Variants in LRRCC1 observed in about 807,000 individuals in gnomAD.
The protein encoded by LRRCC1 is leucine-rich repeat and coiled-coil domain-containing protein 1.
Under a neutral mutation model 126.0 loss-of-function variants are expected in LRRCC1, and 115 were observed. That is an observed-to-expected ratio of 0.91 (90% CI 0.78 to 1.07). The LOEUF is 1.07. Among genes scored for constraint, LRRCC1 ranks in the 50% least tolerant of loss-of-function variants. LRRCC1 has a pLI of 0.00. For synonymous variants in LRRCC1, 400 were observed against 393.4 expected, an observed-to-expected ratio of 1.02 and a Z score of -0.20; for missense variants, 1,172 against 1,175.7, an observed-to-expected ratio of 1.00 and a Z score of 0.05.
intron 6 of LRRCC1, among the ~76,000 whole-genome samples, chr8:85,118,425 T>C (rs954637043): frequency 2.0e-5 from 3 of 152,064 alleles, no homozygotes; most frequent in Non-Finnish European, 4.4e-5. Flanking sequence ...ATAGGGTAGA[T>C]GTATGTTGAG....
intron 11 of LRRCC1, 111 bp from the exon 12 acceptor site, chr8:85,131,649 T>C (rs1354538624): frequency 1.3e-6 from 1 of 775,026 alleles, no homozygotes; most frequent in Admixed American, 3.1e-5. Flanking sequence ...GAGAGGCTGA[T>C]ACTGAATTAA....
chr8:85,141,307 GAAGA>G (rs1811232955), intron 17 of LRRCC1, 71 bp from the exon 18 acceptor site: 1 of 1,251,148 alleles, frequency 8.0e-7, no homozygotes, highest in South Asian at 1.5e-5. Context: ...AGCCACCCGA[GAAGA>G]AATAACATCC....
In LRRCC1 at chr8:85,110,100, A is replaced by C. The variant is rs1056408363; in HGVS notation, c.311-15A>C. ...TTTTATAAAGGCTTTATTTTATTTTACTTTTTTTTTTTAGGACTTGAAGAA... is the reference window on the plus strand; with the variant it reads ...TTTTATAAAGGCTTTATTTTATTTTCCTTTTTTTTTTTAGGACTTGAAGAA... On this transcript the variant is annotated splice_polypyrimidine_tract_variant and intron_variant, in intron 2 of 18. Transcript: ENST00000360375. 9.8e-7 allele frequency: 1 copy of C among 1,022,468 alleles called. No homozygotes were observed. The highest frequency in any genetic ancestry group is 1.4e-6 in the Non-Finnish European group (1 of 691,472). 63.3% of individuals were successfully genotyped at this position (1,022,468 alleles called of 1,614,324 possible). A position where few individuals can be genotyped will look rare whatever the true frequency, so the allele number is the denominator to read the frequency against.
chr8:85,141,480 A>C lies in LRRCC1; in HGVS notation c.2939A>C (p.Asn980Thr). The part of the protein sequence containing the change: ...AHQAEIAQLA[N>T]EKQKCIDSAN... The stretch of plus-strand genomic sequence containing the variant: ...CAAGCTGAAATAGCACAGCTGGCCA[A>C]TGAAAAGCAGAAGTGTATTGATTCT... The change falls in exon 18 of 19, where the codon AAT becomes ACT. Residue 980 changes from asparagine (N) to threonine (T), a missense_variant. Asn to Thr is a moderately conservative substitution (Grantham distance 65). Transcript: ENST00000360375. The C allele has an allele frequency of 6.2e-7, 1 of 1,613,014 alleles. No homozygotes were observed. The highest frequency in any genetic ancestry group is 1.3e-5 in the African/African-American group (1 of 75,034).
chr8:85,126,746 G>A lies in LRRCC1; in HGVS notation c.1330G>A (p.Glu444Lys), dbSNP rs201242609. The A allele has an allele frequency of 5.4e-4, 875 of 1,612,854 alleles. 1 individual carries two copies. The African/African-American group carries it at 1.0e-2, about 18-fold the overall frequency. ...GAAGAGATGGAGAGCTGAGCAAGCC[G>A]AAAATAAACTCATGGATTATATTGA... The part of the protein sequence containing the change: ...REKRWRAEQA[E>K]NKLMDYIDEL... Residue 444 changes from glutamate to lysine, a missense_variant, in exon 9 of 19, where the codon GAA becomes AAA. Transcript: ENST00000360375.
At chr8:85,128,427 AC>A (rs1356483958) in intron 9 of LRRCC1, among the ~76,000 whole-genome samples, 5 of 27,576 alleles carry the variant, frequency 1.8e-4, no homozygotes, top group South Asian at 1.6e-3. Flanking sequence ...CCACCCCCCC[AC>A]CCCCCCCACC....
rs1186884870 is a variant in LRRCC1 at position 85,135,774 on chromosome 8, T to G, written c.2155-15T>G. The G allele has an allele frequency of 7.3e-7, 1 of 1,366,654 alleles. No individual in the cohort carries two copies. Among genetic ancestry groups the G allele is most frequent in the Admixed American group, 2.7e-5 (1 of 36,484 alleles). The allele number at this position is 1,366,654 out of a possible 1,614,324, so 84.7% of individuals were successfully genotyped here. A position where few individuals can be genotyped will look rare whatever the true frequency, so the allele number is the denominator to read the frequency against. On this transcript the variant is annotated splice_polypyrimidine_tract_variant and intron_variant, in intron 13 of 18. Coordinates refer to ENST00000360375, the MANE Select transcript of LRRCC1 (RefSeq NM_033402.5). The stretch of plus-strand genomic sequence containing the variant: ...TAATATAATAATTCTTATTTTTTTT[T>G]TTGGGAATATACAGAATCAAATCAA...
Position 85,129,353 on chromosome 8 carries a change from C to CA in LRRCC1, c.1606dup (p.Arg536LysfsTer23). The CA allele has an allele frequency of 6.2e-7, 1 of 1,610,600 alleles. No individual in the cohort carries two copies. Among genetic ancestry groups the CA allele is most frequent in the Non-Finnish European group, 8.5e-7 (1 of 1,179,160 alleles). ...AAAAACATTAGAAAAAATGGAGAGA[C>CA]AAAAAAGGCAGCAGCAGGCAGCACA... On this transcript the variant is annotated frameshift_variant, in exon 10 of 19. Coordinates refer to ENST00000360375, the MANE Select transcript of LRRCC1 (RefSeq NM_033402.5). LOFTEE classifies it high-confidence loss of function.
intron 6 of LRRCC1, among the ~76,000 whole-genome samples, chr8:85,116,721 G>C (rs952330011): frequency 3.9e-5 from 6 of 152,114 alleles, no homozygotes; most frequent in Non-Finnish European, 7.4e-5. Context: ...AATTAGGAAG[G>C]GGGAAGGAGT....
intron 9 of LRRCC1, among the ~76,000 whole-genome samples, chr8:85,127,213 T>C (rs1014064974): frequency 6.6e-6 from 1 of 152,204 alleles, no homozygotes; most frequent in African/African-American, 2.4e-5. Flanking sequence ...TCTTCTGCAA[T>C]GGGCTTTTGT....
Position 85,123,519 on chromosome 8 carries a change from A to C in LRRCC1, c.1037A>C (p.Lys346Thr). 1 of 1,611,340 alleles carries C rather than the reference A, an allele frequency of 6.2e-7. No individual in the cohort carries two copies. Among genetic ancestry groups the C allele is most frequent in the Non-Finnish European group, 8.5e-7 (1 of 1,179,122 alleles). The change falls in exon 7 of 19, where the codon AAA becomes ACA. Residue 346 changes from lysine to threonine, a missense_variant. Coordinates refer to ENST00000360375, the MANE Select transcript of LRRCC1 (RefSeq NM_033402.5). ...DYGNRKECNR[K>T]VPRRSKIPYD... The stretch of plus-strand genomic sequence containing the variant: ...GGAAACAGAAAAGAATGCAATAGAA[A>C]AGTTCCTCGAAGATCAAAAATCCCT...
At chr8:85,124,112 A>C (rs1189721402) in intron 7 of LRRCC1, among the ~76,000 whole-genome samples, 1 of 152,196 alleles carries the variant, frequency 6.6e-6, no homozygotes, top group Non-Finnish European at 1.5e-5. Context: ...GATTGTGTTT[A>C]ATGCCATAAG....
In LRRCC1 at chr8:85,138,465, G is replaced by T; in HGVS notation, c.2830G>T (p.Glu944Ter). 1 of 1,609,474 alleles carries T rather than the reference G, an allele frequency of 6.2e-7. No individual in the cohort carries two copies. Among genetic ancestry groups the T allele is most frequent in the South Asian group, 1.1e-5 (1 of 89,910 alleles). The change falls in exon 17 of 19, where the codon GAA becomes TAA. Residue 944 changes from glutamate (E) to a stop codon, truncating the protein, a stop_gained. Coordinates refer to ENST00000360375, the MANE Select transcript of LRRCC1 (RefSeq NM_033402.5). LOFTEE classifies it high-confidence loss of function. ...TAAAGCGGAAAGAGACAAAAGTATT[G>T]AACTACAAAAGTAAGCATTAGGTTC... ...KLKAERDKSI[E>*]LQKNAMEKLH...
Position 85,107,435 on chromosome 8 carries a change from A to T in LRRCC1, c.104+36A>T, listed in dbSNP as rs759998882. 1.0e-5 allele frequency: 16 copies of T among 1,564,364 alleles called. No homozygotes were observed. In the South Asian group the frequency reaches 1.8e-4, roughly 18 times the overall value. On this transcript the variant is annotated intron_variant, in intron 1 of 18. Transcript: ENST00000360375. ...CTCCGCAGCCAGGAGCGACCCGCGC[A>T]CTCCCCAGAGCCGGGGCCACGAGTG...
At chr8:85,115,754 T>G (rs1809070231) in intron 6 of LRRCC1, among the ~76,000 whole-genome samples, 170 bp downstream of exon 6, 1 of 152,188 alleles carries the variant, frequency 6.6e-6, no homozygotes, top group Non-Finnish European at 1.5e-5. Flanking sequence ...ATAATGGTAG[T>G]AAAAGGTAAC....
Position 85,129,209 on chromosome 8 carries a change from A to G in LRRCC1, c.1456A>G (p.Lys486Glu). Reference sequence around the variant, plus strand: ...AATTATTTTTAGAGAGAGAAATTCCAAAGGACAACTCGAAGTTATGGTTCA... The same window carrying G: ...AATTATTTTTAGAGAGAGAAATTCCGAAGGACAACTCGAAGTTATGGTTCA... ...KEIIFRERNS[K>E]GQLEVMVHKL... Residue 486 changes from lysine to glutamate, a missense_variant, in exon 10 of 19, where the codon AAA becomes GAA. Physicochemically the swap from Lys to Glu is moderately conservative, Grantham distance 56 (BLOSUM62 1). Coordinates refer to ENST00000360375, the MANE Select transcript of LRRCC1 (RefSeq NM_033402.5). 6.2e-7 allele frequency: 1 copy of G among 1,612,238 alleles called. No homozygotes were observed. The highest frequency in any genetic ancestry group is 1.1e-5 in the South Asian group (1 of 90,572).
At chr8:85,118,446 A>T (rs983468738) in intron 6 of LRRCC1, among the ~76,000 whole-genome samples, 2 of 152,024 alleles carry the variant, frequency 1.3e-5, no homozygotes, top group Non-Finnish European at 2.9e-5. Context: ...TTTTATAAGA[A>T]ATTGATACCT....
intron 11 of LRRCC1, among the ~76,000 whole-genome samples, chr8:85,131,319 G>A (rs75843031): frequency 0.011 from 1,599 of 152,284 alleles, 22 homozygotes; most frequent in East Asian, 0.062. Context: ...GTGGAGAACC[G>A]TAAAGAATGA....
At position 85,141,471 on chromosome 8, in the gene LRRCC1, A is replaced by C. The variant is rs1333333294; in HGVS notation, c.2930A>C (p.Gln977Pro). The C allele has an allele frequency of 6.2e-7, 1 of 1,613,402 alleles. No individual in the cohort carries two copies. Among genetic ancestry groups the C allele is most frequent in the Admixed American group, 1.7e-5 (1 of 59,968 alleles). ...IVEAHQAEIA[Q>P]LANEKQKCID... ...GAAGCTCATCAAGCTGAAATAGCAC[A>C]GCTGGCCAATGAAAAGCAGAAGTGT... Residue 977 changes from glutamine to proline, a missense_variant, in exon 18 of 19, where the codon CAG (glutamine) becomes CCG (proline). By Grantham distance (76) the Gln-to-Pro change is moderately conservative. Coordinates refer to ENST00000360375, the MANE Select transcript of LRRCC1 (RefSeq NM_033402.5).
Sources: allele counts gnomAD v4.1 joint callset (sites outside exome capture counted in the v4.1 genomes callset), GRCh38; gene constraint gnomAD v4.1.1; transcripts MANE v1.5; gene names NCBI Gene and HGNC (gene_info 2026-07-23, HGNC 2026-07-21).